Variants in FAAH2 observed in about 807,000 individuals in gnomAD.
FAAH2 encodes the protein fatty acid amide hydrolase 2, also known as fatty-acid amide hydrolase 2.
Under a neutral mutation model 36.9 loss-of-function variants are expected in FAAH2, and 60 were observed. The ratio of observed to expected loss-of-function variants is 1.63; its 90% CI spans 1.32 to 2.02. The LOEUF (loss-of-function observed/expected upper bound fraction) is 2.02, where lower values mean the gene tolerates loss of function less well. Ranked by LOEUF, FAAH2 falls within the 30% of genes most tolerant of loss-of-function variation. The pLI is 0.00. For missense variants in FAAH2, 689 were observed against 397.5 expected, an observed-to-expected ratio of 1.73 and a Z score of -6.23; for synonymous variants, 214 against 143.8, an observed-to-expected ratio of 1.49 and a Z score of -3.49.
intron 1 of FAAH2, among the ~76,000 whole-genome samples, chrX:57,291,060 T>A (rs1247722141): frequency 8.9e-6 from 1 of 112,428 alleles, no homozygotes; most frequent in Non-Finnish European, 1.9e-5. Context: ...GATTATTTTT[T>A]GTTAATGATT....
chrX:57,479,534 G>A lies in FAAH2; in HGVS notation c.1424-9223G>A, dbSNP rs757456669. 3.6e-5 allele frequency among the ~76,000 whole-genome samples: 4 copies of A among 111,413 alleles called. No individual in the cohort carries two copies. In the South Asian group the frequency reaches 1.5e-3, roughly 43 times the overall value. On this transcript the variant is annotated intron_variant, in intron 10 of 10. Coordinates refer to ENST00000374900, the MANE Select transcript of FAAH2 (RefSeq NM_174912.4). ...AGAACTTCCAACACTATGTTGAGTA[G>A]GAGTGGTGAGAGAGGGCATCCCTGT...
chrX:57,124,325 G>A, the FAAH2 span, among the ~76,000 whole-genome samples: 1,020 of 111,200 alleles, frequency 9.2e-3, 5 homozygotes, highest in African/African-American at 0.032. Context: ...GATGTGTGGT[G>A]TTATTTCTGA....
chrX:57,196,548 T>C, the FAAH2 span, among the ~76,000 whole-genome samples: 1 of 111,672 alleles, frequency 9.0e-6, no homozygotes, highest in Non-Finnish European at 1.9e-5. Flanking sequence ...CTGGATACCC[T>C]TTATTTCTTT....
At chrX:57,274,014 C>T in the FAAH2 span, among the ~76,000 whole-genome samples, 1 of 110,088 alleles carries the variant, frequency 9.1e-6, no homozygotes, top group South Asian at 3.9e-4. Flanking sequence ...AGACTGCTAG[C>T]CAGACTAATA....
At chrX:57,337,966 C>A (rs1230431379) in intron 4 of FAAH2, among the ~76,000 whole-genome samples, 2 of 111,813 alleles carry the variant, frequency 1.8e-5, no homozygotes, top group African/African-American at 6.5e-5. Flanking sequence ...GTCAAACTAC[C>A]TTTGCTTGCA....
chrX:57,435,856 G>C (rs1359051105), intron 8 of FAAH2, among the ~76,000 whole-genome samples: 1 of 111,197 alleles, frequency 9.0e-6, no homozygotes, highest in African/African-American at 3.3e-5. Context: ...AACACACTTT[G>C]ACAGAAAAGT....
chrX:57,264,139 T>A, the FAAH2 span, among the ~76,000 whole-genome samples: 1 of 112,025 alleles, frequency 8.9e-6, no homozygotes, highest in Non-Finnish European at 1.9e-5. Flanking sequence ...GGAGAAAATT[T>A]TTAGAATCTA....
At position 57,331,665 on chromosome X, in the gene FAAH2, G is replaced by A. The variant is rs367708070; in HGVS notation, c.480G>A (p.Val160=). The change falls in exon 4 of 11, where the codon GTG becomes GTA. Residue 160 remains valine, a synonymous_variant. Transcript: ENST00000374900. ...DAIAKTDATV[V]ALLKGAGAIP... ...TTGCCAAAACAGATGCCACTGTGGT[G>A]GCATTACTGAAGGGAGCTGGTGCCA... 3.7e-5 allele frequency: 45 copies of A among 1,209,946 alleles called. No individual in the cohort carries two copies. Among genetic ancestry groups the A allele is most frequent in the African/African-American group, 3.5e-5 (2 of 57,166 alleles).
the FAAH2 span, among the ~76,000 whole-genome samples, chrX:57,208,494 G>C: frequency 1.8e-5 from 2 of 111,730 alleles, no homozygotes; most frequent in Non-Finnish European, 3.8e-5. Flanking sequence ...TCCAAACATC[G>C]CTCTGGCAAC....
At chrX:57,466,419 TTAAAA>T (rs1363015309) in intron 10 of FAAH2, among the ~76,000 whole-genome samples, 14 of 102,281 alleles carry the variant, frequency 1.4e-4, no homozygotes, top group Non-Finnish European at 2.7e-4. Flanking sequence ...TATATCTTAA[TTAAAA>T]TAATATACTG....
intron 2 of FAAH2, among the ~76,000 whole-genome samples, chrX:57,305,112 A>C (rs1174251727): frequency 1.8e-5 from 2 of 110,216 alleles, no homozygotes; most frequent in African/African-American, 6.6e-5. Context: ...GTAGTTATAA[A>C]TATACTTAGC....
chrX:57,378,936 G>T (rs895620745), intron 6 of FAAH2, 150 bp downstream of exon 6: 3 of 609,222 alleles, frequency 4.9e-6, no homozygotes, highest in Non-Finnish European at 7.3e-6. Context: ...TATATAAGTG[G>T]ATACCATGCT....
chrX:57,430,827 G>A (rs1334715272), intron 7 of FAAH2, among the ~76,000 whole-genome samples: 1 of 111,734 alleles, frequency 8.9e-6, no homozygotes, highest in East Asian at 2.8e-4. Flanking sequence ...GATCTTCAAA[G>A]ACGATAGGGT....
chrX:57,218,827 C>G, the FAAH2 span, among the ~76,000 whole-genome samples: 1 of 111,550 alleles, frequency 9.0e-6, no homozygotes, highest in Non-Finnish European at 1.9e-5. Flanking sequence ...TCTGTTTGGT[C>G]CTGGACTTTT....
intron 8 of FAAH2, among the ~76,000 whole-genome samples, chrX:57,439,573 T>C (rs2056500635): frequency 8.9e-6 from 1 of 111,850 alleles, no homozygotes; most frequent in South Asian, 3.8e-4. Context: ...CTGATGGTAG[T>C]TTCTTTTGCT....
chrX:57,202,840 C>A, the FAAH2 span, among the ~76,000 whole-genome samples: 1 of 111,865 alleles, frequency 8.9e-6, no homozygotes, highest in Non-Finnish European at 1.9e-5. Flanking sequence ...TGGGCTGGCA[C>A]TCAAACCAGA....
At chrX:57,202,564 A>G in the FAAH2 span, among the ~76,000 whole-genome samples, 1 of 111,882 alleles carries the variant, frequency 8.9e-6, no homozygotes, top group Non-Finnish European at 1.9e-5. Flanking sequence ...CACCACCATT[A>G]GGACTGCATG....
intron 7 of FAAH2, among the ~76,000 whole-genome samples, chrX:57,417,619 C>T (rs1161418434): frequency 9.0e-6 from 1 of 111,680 alleles, no homozygotes; most frequent in Non-Finnish European, 1.9e-5. Context: ...CTCAGCGGGG[C>T]AACTTCCAGA....
the FAAH2 span, among the ~76,000 whole-genome samples, chrX:57,271,250 C>T: frequency 5.1e-4 from 58 of 112,830 alleles, no homozygotes; most frequent in African/African-American, 1.8e-3. Context: ...CACTGTAGCT[C>T]AGCAAGGATG....
Sources: gnomAD v4.1 joint callset for allele counts (sites outside exome capture counted in the v4.1 genomes callset) on GRCh38, gnomAD v4.1.1 for gene constraint, MANE v1.5 for transcripts, NCBI Gene and HGNC (gene_info 2026-07-23, HGNC 2026-07-21) for gene names.